The following CFAP97D2 variants were observed in gnomAD, a reference collection of about 807,000 sequenced individuals.
CFAP97D2 encodes uncharacterized protein CFAP97D2.
At chr13:114,214,865 T>C (rs1478339315) in intron 4 of CFAP97D2, among the ~76,000 whole-genome samples, 1 of 152,228 alleles carries the variant, frequency 6.6e-6, no homozygotes, top group Non-Finnish European at 1.5e-5. Flanking sequence ...ATGAAAGTCT[T>C]CTTCATTCCT....
chr13:114,182,739 T>C lies in CFAP97D2; in HGVS notation c.90+3319T>C, dbSNP rs369796427. ...CAGCCCTAGATCCCTTAAACCTTGA[T>C]TTCATACAACACGTGTTTTTATGAG... On this transcript the variant is annotated intron_variant, in intron 1 of 4. Transcript: ENST00000646158. Among the ~76,000 whole-genome samples, 391 of 152,352 alleles carry C rather than the reference T, an allele frequency of 2.6e-3. 19 individuals carry two copies. In the South Asian group the frequency reaches 0.074, roughly 29 times the overall value.
At chr13:114,222,978 G>T (rs1311253890), downstream of CFAP97D2, 1 of 156,878 alleles carries the variant, frequency 6.4e-6, no homozygotes, top group Non-Finnish European at 1.4e-5. This position sits in a 1 kb window ranked among gnomAD's most constrained non-coding sequence, Gnocchi z 4.4. Context: ...TGGTGGATTT[G>T]TCTATAATTC....
chr13:114,214,581 G>T (rs1473005462), intron 4 of CFAP97D2, among the ~76,000 whole-genome samples: 1 of 107,560 alleles, frequency 9.3e-6, no homozygotes, highest in Admixed American at 8.5e-5. Context: ...TATATTTGAG[G>T]TTTTGTTTGT....
At chr13:114,220,851 G>T (rs1480349408) in intron 4 of CFAP97D2, among the ~76,000 whole-genome samples, 1 of 152,262 alleles carries the variant, frequency 6.6e-6, no homozygotes, top group African/African-American at 2.4e-5. Flanking sequence ...CAAAAGCTCA[G>T]CCTCGGGGAG....
At chr13:114,195,418 G>C (rs964863657) in intron 1 of CFAP97D2, among the ~76,000 whole-genome samples, 2 of 152,134 alleles carry the variant, frequency 1.3e-5, no homozygotes, top group African/African-American at 4.8e-5. Flanking sequence ...ATTGCACGTG[G>C]GTTCAGTCCC....
intron 4 of CFAP97D2, among the ~76,000 whole-genome samples, chr13:114,220,163 C>A (rs7996057): frequency 0.065 from 9,909 of 152,210 alleles, 548 homozygotes; most frequent in African/African-American, 0.13. Context: ...GAAGACCCTC[C>A]TGGGCCCAGC....
chr13:114,192,806 T>C (rs546113738), intron 1 of CFAP97D2, among the ~76,000 whole-genome samples: 1 of 152,316 alleles, frequency 6.6e-6, no homozygotes, highest in East Asian at 1.9e-4. Flanking sequence ...GGTGATTCCA[T>C]ATGAGGAAAG....
chr13:114,182,281 A>G (rs1199884297), intron 1 of CFAP97D2, among the ~76,000 whole-genome samples: 2 of 152,200 alleles, frequency 1.3e-5, no homozygotes, highest in East Asian at 1.9e-4. Flanking sequence ...TCAGTGGAGT[A>G]AAGAATAACA....
At chr13:114,182,032 G>T (rs149433398) in intron 1 of CFAP97D2, among the ~76,000 whole-genome samples, 4 of 151,942 alleles carry the variant, frequency 2.6e-5, no homozygotes, top group African/African-American at 7.3e-5. Flanking sequence ...CCAGGGGACC[G>T]GCGCTCAGCA....
intron 4 of CFAP97D2, among the ~76,000 whole-genome samples, chr13:114,218,104 C>T (rs190285346): frequency 5.3e-5 from 8 of 152,152 alleles, no homozygotes; most frequent in East Asian, 1.9e-4. Context: ...TTGCAGATGA[C>T]GTGATTGTAT....
chr13:114,220,222 G>A (rs1052813770), intron 4 of CFAP97D2, among the ~76,000 whole-genome samples: 1 of 152,086 alleles, frequency 6.6e-6, no homozygotes, highest in Admixed American at 6.5e-5. Flanking sequence ...TCGGCCAGCT[G>A]CCAGACCTTT....
At chr13:114,196,163 T>C (rs1338147601) in intron 1 of CFAP97D2, among the ~76,000 whole-genome samples, 1 of 151,456 alleles carries the variant, frequency 6.6e-6, no homozygotes, top group Non-Finnish European at 1.5e-5. Flanking sequence ...ATTCTCACCC[T>C]GCACCCACTT....
chr13:114,188,641 G>T (rs2138753724), intron 1 of CFAP97D2, among the ~76,000 whole-genome samples: 1 of 151,978 alleles, frequency 6.6e-6, no homozygotes, highest in Non-Finnish European at 1.5e-5. Context: ...GACGGGTGTG[G>T]TGGTGGGCGC....
chr13:114,196,479 A>C lies in CFAP97D2; in HGVS notation c.171+3A>C. On this transcript the variant is annotated splice_donor_region_variant and intron_variant, in intron 2 of 4. Coordinates refer to ENST00000646158, the Ensembl canonical transcript of CFAP97D2. ...ACCTGAAACTCAAGAGGCTGAAGGT[A>C]CACTTTCATTTCTACCTTACTTAAT... is the stretch of plus-strand genomic sequence containing the variant. 1 of 399,344 alleles carries C rather than the reference A, an allele frequency of 2.5e-6. No individual in the cohort carries two copies. The highest frequency in any genetic ancestry group is 4.4e-6 in the Non-Finnish European group (1 of 226,078). 24.7% of individuals were successfully genotyped at this position (399,344 alleles called of 1,614,324 possible).
At chr13:114,221,199 A>G (rs946633239) in intron 4 of CFAP97D2, among the ~76,000 whole-genome samples, 3 of 152,256 alleles carry the variant, frequency 2.0e-5, no homozygotes, top group Admixed American at 1.3e-4. Flanking sequence ...GTGAGCCGAC[A>G]TCGCGCCACT....
intron 4 of CFAP97D2, among the ~76,000 whole-genome samples, chr13:114,218,188 C>T (rs2138790234): frequency 6.6e-6 from 1 of 152,360 alleles, no homozygotes; most frequent in South Asian, 2.1e-4. Context: ...TCTCAGGATA[C>T]AAAATCAATG....
intron 3 of CFAP97D2, among the ~76,000 whole-genome samples, chr13:114,201,217 A>G (rs1462962194): frequency 6.6e-6 from 1 of 152,178 alleles, no homozygotes; most frequent in African/African-American, 2.4e-5. Flanking sequence ...CCTCATAGTT[A>G]CACCATGGCC....
chr13:114,200,922 G>C (rs969487700), intron 3 of CFAP97D2, among the ~76,000 whole-genome samples: 2 of 152,234 alleles, frequency 1.3e-5, no homozygotes, highest in African/African-American at 4.8e-5. Context: ...AAAAGGTTTT[G>C]TTTCTCTGTC....
intron 1 of CFAP97D2, among the ~76,000 whole-genome samples, chr13:114,181,285 A>T (rs542658568): frequency 6.9e-4 from 105 of 152,350 alleles, no homozygotes; most frequent in African/African-American, 2.5e-3. Flanking sequence ...GAACAGGGCA[A>T]CTGAAAGCAC....
Sources: allele counts gnomAD v4.1 joint callset (sites outside exome capture counted in the v4.1 genomes callset), GRCh38; gene constraint gnomAD v4.1.1; non-coding constraint Gnocchi (gnomAD v3.1); transcripts MANE v1.5; gene names NCBI Gene and HGNC (gene_info 2026-07-23, HGNC 2026-07-21).